The following SLC13A3 variants were observed in gnomAD, a reference collection of about 807,000 sequenced individuals.
SLC13A3 encodes the protein solute carrier family 13 member 3.
Under a neutral mutation model 59.0 loss-of-function variants are expected in SLC13A3, and 40 were observed. That is an observed-to-expected ratio of 0.68 (90% CI 0.53 to 0.88). The LOEUF (loss-of-function observed/expected upper bound fraction) is 0.88, where lower values mean the gene tolerates loss of function less well. Among genes scored for constraint, SLC13A3 ranks in the 40% least tolerant of loss-of-function variants. SLC13A3 has a pLI of 0.00. For synonymous variants in SLC13A3, 317 were observed against 330.3 expected (o/e 0.96, Z 0.44); for missense variants, 699 against 783.2 (o/e 0.89, Z 1.28).
chr20:46,583,475 G>A (rs374993438), intron 9 of SLC13A3, 97 bp downstream of exon 9: 155 of 1,530,286 alleles, frequency 1.0e-4, no homozygotes, highest in Middle Eastern at 9.0e-4. Flanking sequence ...GAAGGACCAC[G>A]TGGTTAGTGC....
chr20:46,668,353 A>T (rs1317941730), intron 1 of SLC13A3, among the ~76,000 whole-genome samples: 1 of 152,224 alleles, frequency 6.6e-6, no homozygotes, highest in Non-Finnish European at 1.5e-5. Flanking sequence ...TAAGAAAGCA[A>T]AACAGCCTTA....
chr20:46,573,751 T>C (rs2062049056), intron 10 of SLC13A3, among the ~76,000 whole-genome samples: 1 of 152,222 alleles, frequency 6.6e-6, no homozygotes, highest in Non-Finnish European at 1.5e-5. Flanking sequence ...CTGCCTGACG[T>C]GTCCCAGCAA....
intron 10 of SLC13A3, among the ~76,000 whole-genome samples, chr20:46,574,254 G>T (rs977730256): frequency 1.3e-5 from 2 of 152,200 alleles, no homozygotes; most frequent in Non-Finnish European, 2.9e-5. Flanking sequence ...TCTGAAATCA[G>T]GGAGAGTTTG....
At chr20:46,644,930 G>C (rs6017960) in intron 1 of SLC13A3, among the ~76,000 whole-genome samples, 7,341 of 152,286 alleles carry the variant, frequency 0.048, 538 homozygotes, top group African/African-American at 0.16. Context: ...TCTTGCTGCT[G>C]TAACAAATGA....
upstream of SLC13A3, among the ~76,000 whole-genome samples, chr20:46,652,695 G>A (rs553511799): frequency 1.6e-4 from 25 of 152,004 alleles, no homozygotes; most frequent in South Asian, 6.2e-4. Context: ...ACGCCCGGCC[G>A]TTATTCTTAT....
rs1008915793 is a variant in SLC13A3, at chr20:46,558,840, T to C, written c.*1182A>G. ...CAATACTGGGCTAATGCTGGGCCATTCCATTCAGCAGACACTTCCTGAGGG... is the reference window on the plus strand; with the variant it reads ...CAATACTGGGCTAATGCTGGGCCATCCCATTCAGCAGACACTTCCTGAGGG... On this transcript the variant is annotated 3_prime_UTR_variant, in exon 13 of 13. Coordinates refer to ENST00000279027, the MANE Select transcript of SLC13A3 (RefSeq NM_022829.6). The C allele has an allele frequency of 2.6e-5, 4 of 152,032 alleles. No individual in the cohort carries two copies. The highest frequency in any genetic ancestry group is 9.7e-5 in the African/African-American group (4 of 41,390). The allele number at this position is 152,032 out of a possible 1,614,324, so 9.4% of individuals were successfully genotyped here.
Position 46,598,029 on chromosome 20 carries a change from T to G in SLC13A3, c.609-1687A>C, listed in dbSNP as rs559710730. Among the ~76,000 whole-genome samples, 4 of 152,320 alleles carry G rather than the reference T, an allele frequency of 2.6e-5. No homozygotes were observed. The East Asian group carries it at 7.7e-4, about 29-fold the overall frequency. ...TATAATTTTTATTTGTCAATTATAC[T>G]TCAATGAATCTGAAAAAAAGATAAA... On this transcript the variant is annotated intron_variant, in intron 4 of 12. Transcript: ENST00000279027.
intron 1 of SLC13A3, among the ~76,000 whole-genome samples, chr20:46,668,369 G>C (rs1005296288): frequency 2.6e-5 from 4 of 152,212 alleles, no homozygotes; most frequent in East Asian, 3.8e-4. Flanking sequence ...CCTTATTCCT[G>C]ATAGGGAGAA....
At chr20:46,659,115 C>T (rs573447899) in intron 1 of SLC13A3, among the ~76,000 whole-genome samples, 23 of 152,180 alleles carry the variant, frequency 1.5e-4, no homozygotes, top group African/African-American at 5.5e-4. Flanking sequence ...CTAACATTCT[C>T]TGATATTTTA....
intron 1 of SLC13A3, chr20:46,681,930 C>G (rs2063155870): frequency 6.6e-6 from 1 of 152,174 alleles, no homozygotes; most frequent in Admixed American, 6.5e-5. Flanking sequence ...TTCATGAGGG[C>G]AGAGGCCTTA....
chr20:46,594,694 C>T (rs1302799712), intron 5 of SLC13A3, among the ~76,000 whole-genome samples: 1 of 151,668 alleles, frequency 6.6e-6, no homozygotes, highest in Non-Finnish European at 1.5e-5. Context: ...CAGTAAAACT[C>T]AGTGGGCTTA....
chr20:46,623,595 G>T (rs1450243657), intron 1 of SLC13A3, among the ~76,000 whole-genome samples: 2 of 152,128 alleles, frequency 1.3e-5, no homozygotes, highest in African/African-American at 2.4e-5. Flanking sequence ...GTCTATTTAG[G>T]TCATGCATAC....
intron 1 of SLC13A3, among the ~76,000 whole-genome samples, chr20:46,617,017 C>T (rs943326532): frequency 6.6e-6 from 1 of 152,226 alleles, no homozygotes; most frequent in Non-Finnish European, 1.5e-5. Flanking sequence ...TTTTATGTAA[C>T]CGGTTACCAC....
chr20:46,656,998 G>T (rs1239106347), intron 1 of SLC13A3, among the ~76,000 whole-genome samples: 5 of 151,884 alleles, frequency 3.3e-5, no homozygotes, highest in Admixed American at 2.6e-4. Flanking sequence ...TCTTTGCTGA[G>T]GTTTTCTACT....
At chr20:46,617,410 G>A (rs543415954) in intron 1 of SLC13A3, among the ~76,000 whole-genome samples, 1 of 152,244 alleles carries the variant, frequency 6.6e-6, no homozygotes, top group East Asian at 1.9e-4. Flanking sequence ...GATTGCTTGA[G>A]GCCAGGAGTT....
Position 46,569,248 on chromosome 20 carries a change from C to T in SLC13A3, c.1333-2858G>A, listed in dbSNP as rs538638220. ...TTAAGCGATCCTCCTGCCTAGGCCT[C>T]CCAAAGTGCTGGGATTACAGACATG... is the stretch of plus-strand genomic sequence containing the variant. On this transcript the variant is annotated intron_variant, in intron 10 of 12. Coordinates refer to ENST00000279027, the MANE Select transcript of SLC13A3 (RefSeq NM_022829.6). Among the ~76,000 whole-genome samples the T allele has an allele frequency of 2.0e-5, 3 of 152,188 alleles. No individual in the cohort carries two copies. In the South Asian group the frequency reaches 6.2e-4, roughly 32 times the overall value.
chr20:46,582,882 A>G, intron 9 of SLC13A3: 1 of 985,412 alleles, frequency 1.0e-6, no homozygotes, highest in Non-Finnish European at 1.2e-6. Flanking sequence ...GGGAGTCGCA[A>G]GCTGGCAATC....
At chr20:46,634,643 C>A (rs2062778161) in intron 1 of SLC13A3, among the ~76,000 whole-genome samples, 1 of 152,152 alleles carries the variant, frequency 6.6e-6, no homozygotes, top group South Asian at 2.1e-4. Context: ...GTGGCTCACA[C>A]CCTGTGGCTG....
At chr20:46,612,062 C>CTT (rs1555879599) in intron 2 of SLC13A3, among the ~76,000 whole-genome samples, 3 of 146,108 alleles carry the variant, frequency 2.1e-5, no homozygotes, top group Admixed American at 1.4e-4. Context: ...CTGACATTTT[C>CTT]TCTTTCTTTT....
Sources: allele counts gnomAD v4.1 joint callset (sites outside exome capture counted in the v4.1 genomes callset), GRCh38; gene constraint gnomAD v4.1.1; transcripts MANE v1.5; gene names NCBI Gene and HGNC (gene_info 2026-07-23, HGNC 2026-07-21).